The following AGBL4 variants were observed in gnomAD, a reference collection of about 807,000 sequenced individuals.
AGBL4 encodes the protein cytosolic carboxypeptidase 6.
AGBL4 carries 58 observed loss-of-function variants against 66.4 expected under a neutral mutation model. The observed-to-expected ratio is 0.87, with a 90% confidence interval of 0.71 to 1.09. The LOEUF (loss-of-function observed/expected upper bound fraction) is 1.09, where lower values mean the gene tolerates loss of function less well. AGBL4 is among the 50% of genes least tolerant of loss of function. The pLI, the probability that AGBL4 is intolerant of heterozygous loss-of-function variation, is 0.00. For missense variants in AGBL4, 579 were observed against 631.0 expected, an observed-to-expected ratio of 0.92 and a Z score of 0.88; for synonymous variants, 234 against 222.9, an observed-to-expected ratio of 1.05 and a Z score of -0.44.
intron 1 of AGBL4, among the ~76,000 whole-genome samples, chr1:49,996,543 C>T: frequency 6.6e-6 from 1 of 152,116 alleles, no homozygotes; most frequent in East Asian, 1.9e-4. Context: ...ATGAACAAAG[C>T]CTCCAAGAAG....
chr1:49,173,946 T>C (rs1366400878), intron 4 of AGBL4, among the ~76,000 whole-genome samples: 2 of 152,130 alleles, frequency 1.3e-5, no homozygotes, highest in South Asian at 2.1e-4. Flanking sequence ...GTGGTCAAGA[T>C]TGAAAACTAA....
intron 3 of AGBL4, among the ~76,000 whole-genome samples, chr1:49,641,861 T>C (rs1387623840): frequency 1.3e-5 from 2 of 152,056 alleles, no homozygotes; most frequent in South Asian, 4.1e-4. Flanking sequence ...ACAAGCACCT[T>C]GCACAATGAA....
At chr1:49,061,399 A>C (rs1011035332) in intron 4 of AGBL4, among the ~76,000 whole-genome samples, 6 of 152,178 alleles carry the variant, frequency 3.9e-5, no homozygotes, top group African/African-American at 1.4e-4. Flanking sequence ...AGCCAAGCCC[A>C]GTCCATTGCT....
chr1:49,308,846 C>T (rs1402183905), intron 3 of AGBL4, among the ~76,000 whole-genome samples: 1 of 152,164 alleles, frequency 6.6e-6, no homozygotes, highest in East Asian at 1.9e-4. Context: ...GGGTCATTAA[C>T]TCTATTGAGC....
At chr1:49,414,559 A>G (rs1344506484) in intron 3 of AGBL4, among the ~76,000 whole-genome samples, 4 of 152,160 alleles carry the variant, frequency 2.6e-5, no homozygotes, top group African/African-American at 4.8e-5. Flanking sequence ...AAACGGGCCT[A>G]CTGCTTAAAA....
At chr1:49,447,369 C>A (rs1231456858) in intron 3 of AGBL4, among the ~76,000 whole-genome samples, 1 of 152,104 alleles carries the variant, frequency 6.6e-6, no homozygotes, top group African/African-American at 2.4e-5. Flanking sequence ...GGGTAATACT[C>A]CCTGCATCAG....
intron 5 of AGBL4, among the ~76,000 whole-genome samples, chr1:48,893,853 C>T (rs34776682): frequency 0.093 from 14,117 of 152,066 alleles, 905 homozygotes; most frequent in East Asian, 0.29. Flanking sequence ...GTCTTTCAGC[C>T]TCTAGTACTA....
chr1:48,910,654 TTTC>T (rs200858311), intron 5 of AGBL4, among the ~76,000 whole-genome samples: 49 of 145,704 alleles, frequency 3.4e-4, no homozygotes, highest in South Asian at 1.9e-3. Context: ...CAGGCTTTTT[TTTC>T]TTTTCCCTTC....
chr1:49,322,911 T>C (rs1486078966), intron 3 of AGBL4, among the ~76,000 whole-genome samples: 1 of 152,226 alleles, frequency 6.6e-6, no homozygotes. Context: ...TAACAGAATA[T>C]TAGTGGCTGT....
intron 4 of AGBL4, among the ~76,000 whole-genome samples, chr1:49,136,962 T>G (rs1468459332): frequency 6.6e-6 from 1 of 152,148 alleles, no homozygotes; most frequent in Non-Finnish European, 1.5e-5. Context: ...TTAATAAAAA[T>G]GAAATCTATG....
intron 8 of AGBL4, among the ~76,000 whole-genome samples, chr1:48,646,513 ATGTGTGTGTGTGTGTGTGTG>A (rs61233999): frequency 7.6e-6 from 1 of 131,436 alleles, no homozygotes; most frequent in East Asian, 2.3e-4. Context: ...ACCAGTTATA[ATGTGTGTGTGTGTGTGTGTG>A]TGTGTGTGTG....
chr1:48,867,155 G>C (rs1414901849), intron 6 of AGBL4, 36 bp downstream of exon 6: 2 of 1,608,648 alleles, frequency 1.2e-6, no homozygotes, highest in African/African-American at 2.7e-5. Flanking sequence ...CAAGAAATAA[G>C]GGAAAAGCAA....
intron 3 of AGBL4, among the ~76,000 whole-genome samples, chr1:49,436,590 A>G (rs1645908867): frequency 6.6e-6 from 1 of 152,220 alleles, no homozygotes; most frequent in Non-Finnish European, 1.5e-5. Context: ...AATTCAAGCT[A>G]GAAAGAAAGA....
Position 49,754,808 on chromosome 1 carries a change from C to T in AGBL4, c.158-57371G>A, listed in dbSNP as rs12029930. 5.9e-5 allele frequency among the ~76,000 whole-genome samples: 9 copies of T among 152,280 alleles called. No homozygotes were observed. The East Asian group carries it at 1.5e-3, about 26-fold the overall frequency. On this transcript the variant is annotated intron_variant, in intron 2 of 13. Transcript: ENST00000371839. ...TGCCCATGGATTTATTTTAAGAAAT[C>T]GGTTAAAACAATCATGGAGGACAGC...
At chr1:49,282,985 C>G (rs1386199559) in intron 3 of AGBL4, among the ~76,000 whole-genome samples, 5 of 152,232 alleles carry the variant, frequency 3.3e-5, no homozygotes, top group Non-Finnish European at 5.9e-5. Context: ...GGTAAACAAA[C>G]CAGCTGGGAA....
At chr1:49,091,108 A>G (rs1050633793) in intron 4 of AGBL4, among the ~76,000 whole-genome samples, 5 of 152,208 alleles carry the variant, frequency 3.3e-5, no homozygotes, top group Non-Finnish European at 7.4e-5. Flanking sequence ...AAAAACTTCA[A>G]TGTAAAACTT....
chr1:48,617,760 G>A (rs1012318189), intron 9 of AGBL4, among the ~76,000 whole-genome samples: 1 of 152,144 alleles, frequency 6.6e-6, no homozygotes. Flanking sequence ...CCATGACCAT[G>A]GCTTGGACCC....
chr1:49,107,673 A>ATGTGTGTG (rs141552810), intron 4 of AGBL4, among the ~76,000 whole-genome samples: 7 of 129,978 alleles, frequency 5.4e-5, no homozygotes, highest in South Asian at 2.7e-4. Flanking sequence ...GAATATGTGT[A>ATGTGTGTG]TGTGTGTGTG....
intron 3 of AGBL4, among the ~76,000 whole-genome samples, chr1:49,645,936 T>C (rs1404036080): frequency 1.3e-5 from 2 of 151,610 alleles, no homozygotes. Flanking sequence ...TATGATTACC[T>C]AAACAAATGC....
Sources: gnomAD v4.1 joint callset for allele counts (sites outside exome capture counted in the v4.1 genomes callset) on GRCh38, gnomAD v4.1.1 for gene constraint, MANE v1.5 for transcripts, NCBI Gene and HGNC (gene_info 2026-07-23, HGNC 2026-07-21) for gene names.